The following TBL1XR1 variants were observed in gnomAD, a reference collection of about 807,000 sequenced individuals.
TBL1XR1 encodes F-box-like/WD repeat-containing protein TBL1XR1.
TBL1XR1 carries 5 observed loss-of-function variants against 66.9 expected under a neutral mutation model. The observed-to-expected ratio is 0.07, with a 90% CI of 0.04 to 0.16. TBL1XR1 has a LOEUF of 0.16. TBL1XR1 is among the 10% of genes least tolerant of loss of function. The pLI is 1.00. For synonymous variants in TBL1XR1, 210 were observed against 206.0 expected, an observed-to-expected ratio of 1.02 and a Z score of -0.17; for missense variants, 238 against 623.2, an observed-to-expected ratio of 0.38 and a Z score of 6.58.
chr3:177,076,008 G>A (rs989658955), intron 2 of TBL1XR1, among the ~76,000 whole-genome samples: 9 of 152,120 alleles, frequency 5.9e-5, no homozygotes, highest in African/African-American at 2.2e-4. Context: ...TACCTTAGAC[G>A]GAAGTTTTTT....
intron 2 of TBL1XR1, among the ~76,000 whole-genome samples, chr3:177,088,900 A>G (rs1252879879): frequency 6.6e-6 from 1 of 152,152 alleles, no homozygotes; most frequent in Non-Finnish European, 1.5e-5. Flanking sequence ...TCATGATGGT[A>G]AAAGATTAAA....
intron 2 of TBL1XR1, among the ~76,000 whole-genome samples, chr3:177,085,632 A>G (rs753790683): frequency 5.9e-5 from 9 of 152,206 alleles, no homozygotes; most frequent in Non-Finnish European, 8.8e-5. Context: ...ATGGGAAAAA[A>G]TTCTAAGACA....
At chr3:177,168,283 CTTT>C (rs11307636) in intron 1 of TBL1XR1, among the ~76,000 whole-genome samples, 13 of 142,754 alleles carry the variant, frequency 9.1e-5, no homozygotes, top group Non-Finnish European at 1.2e-4. Flanking sequence ...GGAAATAAAC[CTTT>C]TTTTTTTTTT....
intron 1 of TBL1XR1, among the ~76,000 whole-genome samples, chr3:177,140,254 G>A (rs1729484888): frequency 6.6e-6 from 1 of 152,030 alleles, no homozygotes; most frequent in East Asian, 1.9e-4. Context: ...GAGCCAAGAT[G>A]GAGCCACTGC....
chr3:177,118,477 C>G (rs938180576), intron 1 of TBL1XR1, among the ~76,000 whole-genome samples: 4 of 152,134 alleles, frequency 2.6e-5, no homozygotes, highest in Non-Finnish European at 5.9e-5. Flanking sequence ...AATGCAGCTT[C>G]TTATACTCAC....
intron 1 of TBL1XR1, chr3:177,126,237 T>G (rs575136879): frequency 6.6e-6 from 1 of 152,208 alleles, no homozygotes; most frequent in Non-Finnish European, 1.5e-5. Context: ...CGGCTAGATA[T>G]GGGATTCAGC....
At chr3:177,199,887 C>G (rs148135920), upstream of TBL1XR1, among the ~76,000 whole-genome samples, 2 of 152,146 alleles carry the variant, frequency 1.3e-5, no homozygotes, top group African/African-American at 4.8e-5. Flanking sequence ...ATCATCGAGG[C>G]TGGGGACTTA....
chr3:177,185,804 G>A (rs949134856), intron 1 of TBL1XR1, among the ~76,000 whole-genome samples: 2 of 152,052 alleles, frequency 1.3e-5, no homozygotes, highest in African/African-American at 4.8e-5. Context: ...AGGAATTCGA[G>A]ACCAGCCTGA....
In TBL1XR1 at chr3:177,089,730, C is replaced by G. The variant is rs368591751; in HGVS notation, c.-46+8736G>C. ...TTGTGGGATGACTATACAAACAGAA[C>G]AAGAGGAAATAGAAGGGCTCAGGGG... On this transcript the variant is annotated intron_variant, in intron 2 of 15. Transcript: ENST00000457928. Among the ~76,000 whole-genome samples the G allele has an allele frequency of 8.6e-5, 13 of 152,018 alleles. No homozygotes were observed. In the East Asian group the frequency reaches 1.9e-3, roughly 23 times the overall value.
At chr3:177,191,629 T>C (rs1361238886) in intron 1 of TBL1XR1, among the ~76,000 whole-genome samples, 4 of 152,156 alleles carry the variant, frequency 2.6e-5, no homozygotes, top group African/African-American at 9.7e-5. Context: ...ATAAGGCTCA[T>C]AGAGGAACTG....
chr3:177,179,543 G>A (rs1291520221), intron 1 of TBL1XR1, among the ~76,000 whole-genome samples: 1 of 152,166 alleles, frequency 6.6e-6, no homozygotes, highest in East Asian at 1.9e-4. Context: ...GCTCAAGAGA[G>A]GCAGGTAAAA....
At chr3:177,154,548 C>T (rs1029478852) in intron 1 of TBL1XR1, among the ~76,000 whole-genome samples, 43 of 152,118 alleles carry the variant, frequency 2.8e-4, no homozygotes, top group Non-Finnish European at 6.0e-4. Flanking sequence ...AGACGCCCAC[C>T]ACCATGCCCA....
intron 3 of TBL1XR1, among the ~76,000 whole-genome samples, chr3:177,057,405 C>A (rs1291141559): frequency 6.6e-6 from 1 of 152,082 alleles, no homozygotes; most frequent in Non-Finnish European, 1.5e-5. Context: ...GGGTTTAAGT[C>A]TAGTAATCCT....
At chr3:177,094,388 T>TA (rs1376420008) in intron 2 of TBL1XR1, among the ~76,000 whole-genome samples, 2 of 152,186 alleles carry the variant, frequency 1.3e-5, no homozygotes, top group African/African-American at 2.4e-5. Flanking sequence ...TGTAAACTAG[T>TA]ACAACCATTA....
At chr3:177,192,781 C>G (rs531298553) in intron 1 of TBL1XR1, among the ~76,000 whole-genome samples, 9 of 152,308 alleles carry the variant, frequency 5.9e-5, no homozygotes, top group Admixed American at 2.6e-4. Context: ...AACCATTGTT[C>G]TAAGTACCTC....
intron 3 of TBL1XR1, among the ~76,000 whole-genome samples, chr3:177,055,283 T>C (rs1238785072): frequency 6.6e-6 from 1 of 152,076 alleles, no homozygotes; most frequent in African/African-American, 2.4e-5. Context: ...TTTCCTAGCA[T>C]GTGGCTAGGA....
rs1239444672 is a variant in TBL1XR1 at position 177,020,697 on chromosome 3, A to C, written c.*4801T>G. On this transcript the variant is annotated 3_prime_UTR_variant, in exon 16 of 16. Coordinates refer to ENST00000457928, the MANE Select transcript of TBL1XR1 (RefSeq NM_024665.7). ...TCCCTCTCTCTTTACCTGACTAGTA[A>C]ATAGTCTATATAAACTACATAGACA... 6.6e-6 allele frequency: 1 copy of C among 152,230 alleles called. No homozygotes were observed. Among genetic ancestry groups the C allele is most frequent in the Non-Finnish European group, 1.5e-5 (1 of 68,030 alleles). 9.4% of individuals were successfully genotyped at this position (152,230 alleles called of 1,614,324 possible). A position where few individuals can be genotyped will look rare whatever the true frequency, so the allele number is the denominator to read the frequency against.
Position 177,020,189 on chromosome 3 carries a change from G to A in TBL1XR1, c.*5309C>T, listed in dbSNP as rs1354292377. 6.6e-6 allele frequency: 1 copy of A among 150,824 alleles called. No individual in the cohort carries two copies. The highest frequency in any genetic ancestry group is 2.0e-4 in the East Asian group (1 of 5,114). The allele number at this position is 150,824 out of a possible 1,614,324, so 9.3% of individuals were successfully genotyped here. On this transcript the variant is annotated 3_prime_UTR_variant, in exon 16 of 16. Coordinates refer to ENST00000457928, the MANE Select transcript of TBL1XR1 (RefSeq NM_024665.7). ...AGGTCACCGAGAAGTTGAGCCTCCT[G>A]CCCTAATCTTCAACACATCTACACA... is the stretch of plus-strand genomic sequence containing the variant.
intron 1 of TBL1XR1, among the ~76,000 whole-genome samples, chr3:177,148,860 T>C (rs937333346): frequency 2.6e-5 from 4 of 151,558 alleles, no homozygotes; most frequent in Non-Finnish European, 4.4e-5. Flanking sequence ...CAAAATTAGC[T>C]GGTTGTGGTG....
Sources: allele counts gnomAD v4.1 joint callset (sites outside exome capture counted in the v4.1 genomes callset), GRCh38; gene constraint gnomAD v4.1.1; transcripts MANE v1.5; gene names NCBI Gene and HGNC (gene_info 2026-07-23, HGNC 2026-07-21).